Variants in CTTNBP2 observed in about 807,000 individuals in gnomAD.
CTTNBP2 encodes the protein cortactin binding protein 2.
A neutral mutation model predicts 156.9 loss-of-function variants in CTTNBP2; 108 were observed. That is an observed-to-expected ratio of 0.69 (90% CI 0.59 to 0.81). The LOEUF (loss-of-function observed/expected upper bound fraction) is 0.81, where lower values mean the gene tolerates loss of function less well. Ranked by LOEUF, CTTNBP2 falls within the 30% of genes least tolerant of loss-of-function variation. The pLI is 0.00. For missense variants in CTTNBP2, 1,924 were observed against 2,035.4 expected (o/e 0.95, Z 1.05); for synonymous variants, 767 against 751.8 (o/e 1.02, Z -0.33).
Position 117,791,237 on chromosome 7 carries a change from G to A in CTTNBP2, c.1959C>T (p.Asp653=), listed in dbSNP as rs749927517. Residue 653 remains aspartate, a synonymous_variant, in exon 4 of 23, where the codon GAC becomes GAT. Transcript: ENST00000160373. The part of the protein sequence containing the change: ...TPGLNQPACS[D]SSLVIPTTIA... ...TGGTGGTAGGAATGACAAGGGAACT[G>A]TCTGAACATGCAGGTTGGTTCAGTC... 6 of 1,614,046 alleles carry A rather than the reference G, an allele frequency of 3.7e-6. No homozygotes were observed. The South Asian group carries it at 5.5e-5, about 15-fold the overall frequency.
At position 117,777,577 on chromosome 7, in the gene CTTNBP2, G is replaced by A; in HGVS notation, c.2712C>T (p.Asp904=). ...CTTCTCTGTTGGCGTGGTTAATGAG[G>A]TCTGCAGGAACAACAGGCTTGGATA... ...EGISKPVVPA[D]LINHANREGW... Residue 904 remains aspartate, a synonymous_variant, in exon 8 of 23, where the codon GAC becomes GAT. Transcript: ENST00000160373. The A allele has an allele frequency of 6.2e-7, 1 of 1,613,958 alleles. No individual in the cohort carries two copies. The highest frequency in any genetic ancestry group is 8.5e-7 in the Non-Finnish European group (1 of 1,179,936).
intron 2 of CTTNBP2, among the ~76,000 whole-genome samples, chr7:117,828,331 G>C (rs1287979046): frequency 6.6e-6 from 1 of 152,152 alleles, no homozygotes; most frequent in Non-Finnish European, 1.5e-5. Context: ...CCAGAATAAA[G>C]AACATGTGTG....
intron 14 of CTTNBP2, among the ~76,000 whole-genome samples, chr7:117,738,179 A>G (rs73473631): frequency 0.016 from 2,499 of 152,188 alleles, 67 homozygotes; most frequent in African/African-American, 0.056. Flanking sequence ...ATTTAATTGC[A>G]CTGTGCTGGG....
At chr7:117,781,612 C>T (rs1346904120) in intron 6 of CTTNBP2, among the ~76,000 whole-genome samples, 2 of 152,232 alleles carry the variant, frequency 1.3e-5, no homozygotes, top group East Asian at 3.8e-4. Context: ...GTGGCGTACA[C>T]CTGTAGTCCC....
At chr7:117,800,109 T>C (rs995688836) in intron 3 of CTTNBP2, among the ~76,000 whole-genome samples, 1 of 151,866 alleles carries the variant, frequency 6.6e-6, no homozygotes, top group African/African-American at 2.4e-5. Context: ...TTTTGATCCC[T>C]GCAAACTTTT....
Position 117,792,634 on chromosome 7 carries a change from C to T in CTTNBP2, c.562G>A (p.Glu188Lys). Residue 188 changes from glutamate (E) to lysine (K), a missense_variant, in exon 4 of 23, where the codon GAG (glutamate) becomes AAG (lysine). Transcript: ENST00000160373. The surrounding 1 kb of genome is among the most constrained non-coding windows in gnomAD (Gnocchi z 4.2). ...CKQLSGKVIE[E>K]AQKLEDVMAK... is the part of the protein sequence containing the mutation. Reference sequence around the variant, plus strand: ...ATTACGTCTTCGAGCTTCTGGGCCTCCTCTATGACTTTGCCTGAGAGCTGC... The same window carrying T: ...ATTACGTCTTCGAGCTTCTGGGCCTTCTCTATGACTTTGCCTGAGAGCTGC... The T allele has an allele frequency of 6.2e-7, 1 of 1,614,164 alleles. No individual in the cohort carries two copies. The highest frequency in any genetic ancestry group is 1.3e-5 in the African/African-American group (1 of 75,016).
chr7:117,758,989 C>T (rs2116639560), intron 10 of CTTNBP2, among the ~76,000 whole-genome samples: 1 of 152,320 alleles, frequency 6.6e-6, no homozygotes, highest in East Asian at 1.9e-4. Context: ...CACAGTTGTA[C>T]TGACTTTGTT....
At chr7:117,811,314 C>T (rs537988952) in intron 2 of CTTNBP2, among the ~76,000 whole-genome samples, 19 of 152,172 alleles carry the variant, frequency 1.2e-4, no homozygotes, top group Admixed American at 5.9e-4. Flanking sequence ...ACCCCTCCAC[C>T]CCGCCCAACA....
Position 117,760,489 on chromosome 7 carries a change from T to C in CTTNBP2, c.3118A>G (p.Thr1040Ala). Residue 1040 changes from threonine (T) to alanine (A), a missense_variant, in exon 10 of 23, where the codon ACC becomes GCC. By Grantham distance (58) the Thr-to-Ala change is moderately conservative. Coordinates refer to ENST00000160373, the MANE Select transcript of CTTNBP2 (RefSeq NM_033427.3). ...WSLEDVTCNN[T>A]TDSNIGLSAR... ...CTGAGGCCGATGTTGGAATCAGTGG[T>C]GTTATTGCAAGTCACGTCTTCCAGA... is the stretch of plus-strand genomic sequence containing the variant. The C allele has an allele frequency of 3.7e-6, 6 of 1,614,128 alleles. 1 individual carries two copies. Among genetic ancestry groups the C allele is most frequent in the Non-Finnish European group, 3.4e-6 (4 of 1,179,996 alleles).
chr7:117,740,402 C>A (rs1047661742), intron 14 of CTTNBP2, among the ~76,000 whole-genome samples: 3 of 152,104 alleles, frequency 2.0e-5, no homozygotes, highest in Non-Finnish European at 4.4e-5. Context: ...GAGAGGAACA[C>A]ATAAGGCAAT....
At chr7:117,729,754 G>A (rs1795302887) in intron 16 of CTTNBP2, among the ~76,000 whole-genome samples, 1 of 152,014 alleles carries the variant, frequency 6.6e-6, no homozygotes. Flanking sequence ...CTTCCAGACT[G>A]GCAGTCTTGA....
At chr7:117,725,327 G>T in intron 17 of CTTNBP2, 70 bp from the exon 18 acceptor site, 1 of 1,409,102 alleles carries the variant, frequency 7.1e-7, no homozygotes, top group Non-Finnish European at 1.0e-6. Flanking sequence ...TTCCGTGAAA[G>T]GACAGTTTGA....
rs1477692660 is a variant in CTTNBP2, at chr7:117,738,430, G to C, written c.3536-3009C>G. ...TGCAGAGAATTGGCTGAGGAGGAAA[G>C]AAATAGGAGAACACACCTCCTAGAC... On this transcript the variant is annotated intron_variant, in intron 14 of 22. Coordinates refer to ENST00000160373, the MANE Select transcript of CTTNBP2 (RefSeq NM_033427.3). 2.0e-5 allele frequency among the ~76,000 whole-genome samples: 3 copies of C among 152,130 alleles called. No homozygotes were observed. The East Asian group carries it at 5.8e-4, about 29-fold the overall frequency.
chr7:117,804,560 T>C (rs1313297718), intron 3 of CTTNBP2, among the ~76,000 whole-genome samples: 2 of 152,204 alleles, frequency 1.3e-5, no homozygotes, highest in Non-Finnish European at 2.9e-5. Context: ...GAAAATGTCG[T>C]ACATATACAC....
At chr7:117,827,481 GA>G (rs1327744964) in intron 2 of CTTNBP2, among the ~76,000 whole-genome samples, 1 of 151,942 alleles carries the variant, frequency 6.6e-6, no homozygotes, top group East Asian at 1.9e-4. Flanking sequence ...ACTCATAACA[GA>G]AAAAAAATTC....
chr7:117,840,992 GTTATC>G (rs1584527960), intron 2 of CTTNBP2, among the ~76,000 whole-genome samples: 1 of 152,162 alleles, frequency 6.6e-6, no homozygotes, highest in Non-Finnish European at 1.5e-5. Context: ...GCTATTGCTA[GTTATC>G]TTATTAAAAA....
At chr7:117,740,720 C>T (rs1472001521) in intron 14 of CTTNBP2, among the ~76,000 whole-genome samples, 4 of 152,202 alleles carry the variant, frequency 2.6e-5, no homozygotes, top group African/African-American at 7.2e-5. Context: ...CCTCATCCAT[C>T]GCCTCTTGAC....
chr7:117,761,139 G>A (rs1321416215), intron 9 of CTTNBP2, among the ~76,000 whole-genome samples: 1 of 152,142 alleles, frequency 6.6e-6, no homozygotes, highest in African/African-American at 2.4e-5. Context: ...GAATCATATA[G>A]ACCTTGGGTT....
At chr7:117,846,934 A>G (rs1006511734) in intron 2 of CTTNBP2, among the ~76,000 whole-genome samples, 1 of 152,140 alleles carries the variant, frequency 6.6e-6, no homozygotes, top group Non-Finnish European at 1.5e-5. Context: ...TGAAGAAAAA[A>G]TGGTAGTGAA....
Sources: allele counts gnomAD v4.1 joint callset (sites outside exome capture counted in the v4.1 genomes callset), GRCh38; gene constraint gnomAD v4.1.1; non-coding constraint Gnocchi (gnomAD v3.1); transcripts MANE v1.5; gene names NCBI Gene and HGNC (gene_info 2026-07-23, HGNC 2026-07-21).